Variants in GDI2 observed in about 807,000 individuals in gnomAD.
The protein encoded by GDI2 is rab GDP dissociation inhibitor beta.
GDI2 carries 22 observed loss-of-function variants against 54.2 expected under a neutral mutation model. That is an observed-to-expected ratio of 0.41 (90% CI 0.29 to 0.58). GDI2 has a LOEUF of 0.58. Among genes scored for constraint, GDI2 ranks in the 20% least tolerant of loss-of-function variants. The pLI, the probability that GDI2 is intolerant of heterozygous loss-of-function variation, is 0.35. For synonymous variants in GDI2, 177 were observed against 182.1 expected, an observed-to-expected ratio of 0.97 and a Z score of 0.23; for missense variants, 422 against 546.0, an observed-to-expected ratio of 0.77 and a Z score of 2.26.
chr10:5,810,533 C>T (rs1186468958), intron 1 of GDI2, among the ~76,000 whole-genome samples: 1 of 152,180 alleles, frequency 6.6e-6, no homozygotes, highest in Non-Finnish European at 1.5e-5. Flanking sequence ...GCTCAAAAAG[C>T]ATAGCAGCCT....
At chr10:5,789,991 A>G (rs889349977) in intron 4 of GDI2, among the ~76,000 whole-genome samples, 1 of 152,226 alleles carries the variant, frequency 6.6e-6, no homozygotes, top group African/African-American at 2.4e-5. Context: ...GTCACAGTAA[A>G]AAGTGATCTC....
At chr10:5,812,291 A>G (rs1841493699) in intron 1 of GDI2, among the ~76,000 whole-genome samples, 1 of 152,206 alleles carries the variant, frequency 6.6e-6, no homozygotes, top group African/African-American at 2.4e-5. Flanking sequence ...CCTTAGAAAC[A>G]GATAACCAGG....
Position 5,813,307 on chromosome 10 carries a change from G to C in GDI2, c.-49C>G. On this transcript the variant is annotated 5_prime_UTR_variant, in exon 1 of 11. Coordinates refer to ENST00000380191, the MANE Select transcript of GDI2 (RefSeq NM_001494.4). ...ACCCGAGCAAGGAAAAGGCGCAGGG[G>C]CTCCGTGACCACCCTACGAGGCTGG... 7.2e-7 allele frequency: 1 copy of C among 1,389,606 alleles called. No individual in the cohort carries two copies. 86.1% of individuals were successfully genotyped at this position (1,389,606 alleles called of 1,614,324 possible). A position where few individuals can be genotyped will look rare whatever the true frequency, so the allele number is the denominator to read the frequency against.
rs571968017 is a variant in GDI2 at position 5,800,944 on chromosome 10, ATTT to A, written c.46-242_46-240del. Among the ~76,000 whole-genome samples, 186 of 147,780 alleles carry A rather than the reference ATTT, an allele frequency of 1.3e-3. 1 individual carries two copies. The highest frequency in any genetic ancestry group is 4.3e-3 in the African/African-American group (176 of 40,522). On this transcript the variant is annotated intron_variant, in intron 1 of 10. Transcript: ENST00000380191. The stretch of plus-strand genomic sequence containing the variant: ...ACACTAAGACATTAGTCACCTTTTA[ATTT>A]TTTTTTTTTATTTATTTTTTGAGAT...
At chr10:5,806,336 A>T (rs1399168894) in intron 1 of GDI2, among the ~76,000 whole-genome samples, 1 of 97,776 alleles carries the variant, frequency 1.0e-5, no homozygotes, top group Non-Finnish European at 2.2e-5. Flanking sequence ...GCCCTTTGGG[A>T]GGCCAAGGTG....
At chr10:5,806,204 T>C (rs547813602) in intron 1 of GDI2, among the ~76,000 whole-genome samples, 10 of 152,340 alleles carry the variant, frequency 6.6e-5, no homozygotes, top group African/African-American at 2.4e-4. Flanking sequence ...TTTTTAATTT[T>C]AGCCATTCTA....
intron 4 of GDI2, among the ~76,000 whole-genome samples, chr10:5,792,134 T>C (rs1297460303): frequency 6.6e-6 from 1 of 152,186 alleles, no homozygotes; most frequent in Non-Finnish European, 1.5e-5. Context: ...AAAAGCAATA[T>C]ATTAATAGCT....
chr10:5,785,046 G>A (rs956268376), intron 6 of GDI2, 96 bp downstream of exon 6: 17 of 749,784 alleles, frequency 2.3e-5, no homozygotes, highest in Non-Finnish European at 3.1e-5. Context: ...ATTACTCATA[G>A]ACTGATCTCA....
intron 1 of GDI2, among the ~76,000 whole-genome samples, chr10:5,807,564 T>G (rs1300332622): frequency 6.6e-6 from 1 of 152,204 alleles, no homozygotes; most frequent in African/African-American, 2.4e-5. Context: ...TCACTAAGAC[T>G]ATAAAACCAT....
At chr10:5,767,143 G>A (rs1219043741) in intron 8 of GDI2, among the ~76,000 whole-genome samples, 2 of 151,928 alleles carry the variant, frequency 1.3e-5, no homozygotes, top group Non-Finnish European at 2.9e-5. Flanking sequence ...CCAGTTAACT[G>A]TGTCATTTCC....
intron 7 of GDI2, among the ~76,000 whole-genome samples, chr10:5,772,854 G>A (rs530483172): frequency 5.3e-5 from 8 of 152,172 alleles, no homozygotes; most frequent in African/African-American, 1.2e-4. Flanking sequence ...GGTGTATAAC[G>A]ACTGAGGGCT....
In GDI2 at chr10:5,776,732, C is replaced by G; in HGVS notation, c.720-2791G>C. 1.3e-6 allele frequency: 2 copies of G among 1,490,764 alleles called. No individual in the cohort carries two copies. Among genetic ancestry groups the G allele is most frequent in the South Asian group, 2.3e-5 (2 of 87,582 alleles). 92.3% of individuals were successfully genotyped at this position (1,490,764 alleles called of 1,614,324 possible). On this transcript the variant is annotated intron_variant, in intron 6 of 10. Coordinates refer to ENST00000380191, the MANE Select transcript of GDI2 (RefSeq NM_001494.4). This position sits in a 1 kb window ranked among gnomAD's most constrained non-coding sequence, Gnocchi z 5.3. ...AACTGCTACAGCCTCTTTAACCTGG[C>G]AGAAGTTTGCAGCAAATACCAGGAA...
chr10:5,801,505 C>T (rs1386842385), intron 1 of GDI2, among the ~76,000 whole-genome samples: 1 of 151,890 alleles, frequency 6.6e-6, no homozygotes. Context: ...GGAGAAACCA[C>T]ATCTCTAGTA....
At chr10:5,770,686 C>G (rs571993494) in intron 7 of GDI2, among the ~76,000 whole-genome samples, 9 of 151,882 alleles carry the variant, frequency 5.9e-5, no homozygotes, top group Admixed American at 2.6e-4. Context: ...TAAATTCTGG[C>G]CGGGCGCAGT....
intron 2 of GDI2, 33 bp downstream of exon 2, chr10:5,800,565 G>A: frequency 1.1e-6 from 1 of 941,086 alleles, no homozygotes; most frequent in Non-Finnish European, 1.8e-6. Context: ...CTCACAAAGT[G>A]TGAGAGGCGT....
intron 2 of GDI2, among the ~76,000 whole-genome samples, chr10:5,800,232 C>G (rs1025074643): frequency 6.6e-6 from 1 of 151,946 alleles, no homozygotes; most frequent in African/African-American, 2.4e-5. Context: ...GGTTTACAAC[C>G]CATCTCAGAT....
intron 6 of GDI2, among the ~76,000 whole-genome samples, chr10:5,778,804 A>G (rs189001200): frequency 2.0e-5 from 3 of 152,374 alleles, no homozygotes; most frequent in African/African-American, 2.4e-5. Context: ...AAAAGGAAAA[A>G]CTAAAAGGAC....
chr10:5,795,248 C>T (rs184138087), intron 3 of GDI2, among the ~76,000 whole-genome samples: 3 of 152,230 alleles, frequency 2.0e-5, no homozygotes, highest in Admixed American at 6.5e-5. Flanking sequence ...TCCAGCCTGA[C>T]GCTCCTGAGT....
At chr10:5,811,192 T>C (rs1841474183) in intron 1 of GDI2, among the ~76,000 whole-genome samples, 1 of 152,334 alleles carries the variant, frequency 6.6e-6, no homozygotes, top group Admixed American at 6.5e-5. Flanking sequence ...CTATCAATGA[T>C]GGTAATAATG....
Sources: gnomAD v4.1 joint callset for allele counts (sites outside exome capture counted in the v4.1 genomes callset) on GRCh38, gnomAD v4.1.1 for gene constraint, Gnocchi (gnomAD v3.1) non-coding constraint, MANE v1.5 for transcripts, NCBI Gene and HGNC (gene_info 2026-07-23, HGNC 2026-07-21) for gene names.